SLC7A2: variants seen among roughly 807,000 people sequenced by gnomAD.
SLC7A2 encodes solute carrier family 7 member 2.
In SLC7A2, 48 loss-of-function variants were observed where a neutral mutation model predicts 58.9. The ratio of observed to expected loss-of-function variants is 0.82; its 90% confidence interval spans 0.65 to 1.04. The LOEUF (loss-of-function observed/expected upper bound fraction) is 1.04. SLC7A2 is among the 50% of genes least tolerant of loss of function. SLC7A2 has a pLI of 0.00. For missense variants in SLC7A2, 1,029 were observed against 818.8 expected (o/e 1.26, Z -3.13); for synonymous variants, 363 against 314.5 (o/e 1.15, Z -1.63).
Position 17,562,127 on chromosome 8 carries a change from T to A in SLC7A2, c.1671+17T>A. On this transcript the variant is annotated intron_variant, in intron 11 of 12. Coordinates refer to ENST00000494857, the MANE Select transcript of SLC7A2 (RefSeq NM_001370338.1). ...GCCTTCATGGTATGTGTAATGAGGA[T>A]TAGAGACCCAAAATACTGTATTCAT... 6.3e-7 allele frequency: 1 copy of A among 1,597,468 alleles called. No individual in the cohort carries two copies. The highest frequency in any genetic ancestry group is 8.5e-7 in the Non-Finnish European group (1 of 1,170,292).
chr8:17,497,175 C>T lies in SLC7A2; in HGVS notation c.-131C>T, dbSNP rs1035989606. ...GCTCCAGCGTCCCCCAGCCGCGGGC[C>T]CCCGACGCGCTGCAGCCGGCAGCCC... On this transcript the variant is annotated 5_prime_UTR_variant, in exon 1 of 13. Coordinates refer to ENST00000494857, the MANE Select transcript of SLC7A2 (RefSeq NM_001370338.1). 1.3e-5 allele frequency: 2 copies of T among 151,824 alleles called. No individual in the cohort carries two copies. Among genetic ancestry groups the T allele is most frequent in the African/African-American group, 4.8e-5 (2 of 41,408 alleles). The allele number at this position is 151,824 out of a possible 1,614,324, so 9.4% of individuals were successfully genotyped here. A position where few individuals can be genotyped will look rare whatever the true frequency, so the allele number is the denominator to read the frequency against.
chr8:17,531,572 C>G (rs1251790378), intron 2 of SLC7A2, among the ~76,000 whole-genome samples: 4 of 151,656 alleles, frequency 2.6e-5, no homozygotes, highest in Admixed American at 6.6e-5. Flanking sequence ...TCCTATTGAT[C>G]AATGATTCCA....
chr8:17,536,108 C>CAA (rs35051977), intron 2 of SLC7A2, among the ~76,000 whole-genome samples: 2 of 142,334 alleles, frequency 1.4e-5, no homozygotes. Flanking sequence ...TTCCTTGGCA[C>CAA]AAAAAAAAAA....
intron 2 of SLC7A2, among the ~76,000 whole-genome samples, chr8:17,517,487 A>C (rs895425938): frequency 2.0e-5 from 3 of 152,146 alleles, no homozygotes; most frequent in African/African-American, 7.2e-5. Flanking sequence ...AGGCCGTGAA[A>C]ATCTTCAGCT....
At chr8:17,499,745 A>G (rs1001866500) in intron 1 of SLC7A2, among the ~76,000 whole-genome samples, 1 of 152,098 alleles carries the variant, frequency 6.6e-6, no homozygotes, top group African/African-American at 2.4e-5. Context: ...AAGTGATAGC[A>G]CTTGTCTAAA....
At position 17,565,079 on chromosome 8, in the gene SLC7A2, C is replaced by T. The variant is rs928188222; in HGVS notation, c.1910C>T (p.Ala637Val). 6.2e-7 allele frequency: 1 copy of T among 1,613,868 alleles called. No homozygotes were observed. The highest frequency in any genetic ancestry group is 8.5e-7 in the Non-Finnish European group (1 of 1,179,916). The change falls in exon 13 of 13, where the codon GCA (alanine) becomes GTA (valine). Residue 637 changes from alanine (A) to valine (V), a missense_variant. Coordinates refer to ENST00000494857, the MANE Select transcript of SLC7A2 (RefSeq NM_001370338.1). ...GCAGAAGAAAAATCTGCCATTCAAG[C>T]AAATGACCATCACCCAAGAAATCTC... ...AAAEEKSAIQANDHHPRNLSS... is the reference protein window; with the variant it reads ...AAAEEKSAIQVNDHHPRNLSS...
At chr8:17,510,066 G>T (rs1463876020) in intron 2 of SLC7A2, among the ~76,000 whole-genome samples, 1 of 152,004 alleles carries the variant, frequency 6.6e-6, no homozygotes, top group South Asian at 2.1e-4. Context: ...CTAAACGTAC[G>T]AAAATTAGCC....
chr8:17,561,269 G>T (rs755211381), intron 10 of SLC7A2, among the ~76,000 whole-genome samples: 1 of 152,104 alleles, frequency 6.6e-6, no homozygotes, highest in Non-Finnish European at 1.5e-5. Context: ...AGGTTTAATG[G>T]GCTTACAGTT....
upstream of SLC7A2, among the ~76,000 whole-genome samples, chr8:17,496,194 G>C (rs1313712749): frequency 6.6e-6 from 1 of 152,072 alleles, no homozygotes; most frequent in Non-Finnish European, 1.5e-5. Context: ...GGTGGCTCAA[G>C]CCTGTAGTTG....
intron 2 of SLC7A2, among the ~76,000 whole-genome samples, chr8:17,539,586 A>T (rs1430214238): frequency 6.6e-6 from 1 of 152,126 alleles, no homozygotes; most frequent in Admixed American, 6.5e-5. Flanking sequence ...CCTCATAGGG[A>T]TGTTGATCAG....
At chr8:17,555,991 G>A (rs1441247350) in intron 8 of SLC7A2, among the ~76,000 whole-genome samples, 2 of 152,162 alleles carry the variant, frequency 1.3e-5, no homozygotes, top group African/African-American at 2.4e-5. Context: ...AATTAGCTTA[G>A]AAAAAGCTAG....
chr8:17,514,061 T>C (rs981984396), intron 2 of SLC7A2, among the ~76,000 whole-genome samples: 1 of 152,150 alleles, frequency 6.6e-6, no homozygotes, highest in African/African-American at 2.4e-5. Context: ...TCTTAGTTCT[T>C]CTCTACAAGG....
At chr8:17,494,199 G>A (rs1475411892), upstream of SLC7A2, among the ~76,000 whole-genome samples, 1 of 152,166 alleles carries the variant, frequency 6.6e-6, no homozygotes, top group African/African-American at 2.4e-5. Context: ...CTTGCTAGTT[G>A]AAGTAAATCC....
intron 2 of SLC7A2, among the ~76,000 whole-genome samples, chr8:17,525,491 A>G (rs1254316560): frequency 1.3e-5 from 2 of 152,204 alleles, no homozygotes; most frequent in Non-Finnish European, 2.9e-5. Flanking sequence ...TCACAGCAAG[A>G]TGTCCTAGAA....
upstream of SLC7A2, among the ~76,000 whole-genome samples, chr8:17,496,890 G>C (rs183055781): frequency 6.6e-6 from 1 of 151,940 alleles, no homozygotes; most frequent in East Asian, 1.9e-4. Context: ...GCCCGCCCAC[G>C]TGTGCTCGGC....
chr8:17,494,595 T>A (rs1799914902), upstream of SLC7A2, among the ~76,000 whole-genome samples: 1 of 152,200 alleles, frequency 6.6e-6, no homozygotes, highest in Non-Finnish European at 1.5e-5. Flanking sequence ...GAGCTTAACC[T>A]GTTTCAAATA....
chr8:17,548,877 T>C (rs1472079941), intron 5 of SLC7A2, 34 bp downstream of exon 5: 3 of 1,556,200 alleles, frequency 1.9e-6, no homozygotes, highest in Non-Finnish European at 2.6e-6. Flanking sequence ...TTTCTCCTTC[T>C]TGTTTAAGAA....
chr8:17,529,418 G>A (rs1220772097), intron 2 of SLC7A2, among the ~76,000 whole-genome samples: 1 of 152,138 alleles, frequency 6.6e-6, no homozygotes, highest in Non-Finnish European at 1.5e-5. Context: ...TCCCTTCATT[G>A]GGGATGGGGG....
intron 2 of SLC7A2, among the ~76,000 whole-genome samples, chr8:17,534,685 T>G (rs1801588259): frequency 9.4e-6 from 1 of 106,436 alleles, no homozygotes; most frequent in South Asian, 3.8e-4. Context: ...GGAGTGCAAG[T>G]TTCAAATGGA....
Sources: gnomAD v4.1 joint callset for allele counts (sites outside exome capture counted in the v4.1 genomes callset) on GRCh38, gnomAD v4.1.1 for gene constraint, MANE v1.5 for transcripts, NCBI Gene and HGNC (gene_info 2026-07-23, HGNC 2026-07-21) for gene names.